The following GRIA1 variants were observed in gnomAD, a reference collection of about 807,000 sequenced individuals.
GRIA1 encodes glutamate ionotropic receptor AMPA type subunit 1.
In GRIA1, 31 loss-of-function variants were observed where a neutral mutation model predicts 99.2. The ratio of observed to expected loss-of-function variants is 0.31; its 90% confidence interval spans 0.23 to 0.42. The LOEUF (loss-of-function observed/expected upper bound fraction) is 0.42, where lower values mean the gene tolerates loss of function less well. GRIA1 is among the 10% of genes least tolerant of loss of function. The probability of loss-of-function intolerance (pLI) is 1.00; values close to 1 mark genes in which losing one functional copy is unlikely to be tolerated. For synonymous variants in GRIA1, 438 were observed against 432.4 expected, an observed-to-expected ratio of 1.01 and a Z score of -0.16; for missense variants, 782 against 1,157.5, an observed-to-expected ratio of 0.68 and a Z score of 4.71.
intron 2 of GRIA1, among the ~76,000 whole-genome samples, chr5:153,577,431 T>C (rs1209251145): frequency 6.6e-6 from 1 of 152,190 alleles, no homozygotes; most frequent in Non-Finnish European, 1.5e-5. Flanking sequence ...TCAATTTCCA[T>C]GAAGCAAGGC....
chr5:153,711,718 T>A (rs1759326682), intron 11 of GRIA1, among the ~76,000 whole-genome samples: 1 of 152,124 alleles, frequency 6.6e-6, no homozygotes, highest in South Asian at 2.1e-4. Context: ...GAACTGAGAG[T>A]GAGCTTCTTC....
intron 11 of GRIA1, among the ~76,000 whole-genome samples, chr5:153,724,078 T>G (rs1035237013): frequency 5.9e-5 from 9 of 152,200 alleles, no homozygotes; most frequent in African/African-American, 2.2e-4. Context: ...CAGCAGCATT[T>G]GCGGTTCACG....
chr5:153,811,283 AC>A lies in GRIA1; in HGVS notation c.*61del, dbSNP rs1173271251. ...CTCGGGCTCCCCAGCCCCATCCCAA[AC>A]CCTTCAGTGCCAAAAACAACAACAA... is the stretch of plus-strand genomic sequence containing the variant. On this transcript the variant is annotated 3_prime_UTR_variant, in exon 16 of 16. Transcript: ENST00000285900. 6.4e-5 allele frequency: 81 copies of A among 1,274,624 alleles called. No individual in the cohort carries two copies. Among genetic ancestry groups the A allele is most frequent in the Non-Finnish European group, 8.9e-5 (78 of 878,352 alleles). The allele number at this position is 1,274,624 out of a possible 1,614,324, so 79.0% of individuals were successfully genotyped here.
Position 153,730,069 on chromosome 5 carries a change from A to C in GRIA1, c.1823+24002A>C, listed in dbSNP as rs563894559. ...AGCATCATAGCAGCCTTTATATACT[A>C]TTACAGTTGCTTGTTCAACACCTGT... On this transcript the variant is annotated intron_variant, in intron 11 of 15. Transcript: ENST00000285900. 2.0e-5 allele frequency among the ~76,000 whole-genome samples: 3 copies of C among 152,206 alleles called. No individual in the cohort carries two copies. The South Asian group carries it at 6.2e-4, about 32-fold the overall frequency.
At chr5:153,674,207 C>T (rs1756402954) in intron 5 of GRIA1, among the ~76,000 whole-genome samples, 1 of 152,316 alleles carries the variant, frequency 6.6e-6, no homozygotes, top group Non-Finnish European at 1.5e-5. Flanking sequence ...ACAACCAGAC[C>T]TCCATTATTC....
chr5:153,707,540 T>C (rs1758992782), intron 11 of GRIA1, among the ~76,000 whole-genome samples: 1 of 152,192 alleles, frequency 6.6e-6, no homozygotes, highest in African/African-American at 2.4e-5. Flanking sequence ...TTACCAAATT[T>C]CAAAAGCCTA....
chr5:153,666,109 C>T (rs1029762152), intron 5 of GRIA1, among the ~76,000 whole-genome samples: 14 of 152,156 alleles, frequency 9.2e-5, no homozygotes, highest in Admixed American at 9.2e-4. Flanking sequence ...ATAAGAAGAC[C>T]TCTTTGATCC....
intron 11 of GRIA1, among the ~76,000 whole-genome samples, chr5:153,737,313 A>AG (rs1761450646): frequency 6.6e-6 from 1 of 151,528 alleles, no homozygotes; most frequent in Non-Finnish European, 1.5e-5. Context: ...AAAAAAAAAA[A>AG]AAGGGATACT....
chr5:153,672,610 TA>T (rs556751344), intron 5 of GRIA1, among the ~76,000 whole-genome samples: 10 of 149,684 alleles, frequency 6.7e-5, no homozygotes, highest in African/African-American at 1.2e-4. Flanking sequence ...TTTAGAGGCA[TA>T]GGGGTGGGGG....
At chr5:153,761,816 A>G (rs868136140) in intron 11 of GRIA1, among the ~76,000 whole-genome samples, 1 of 152,370 alleles carries the variant, frequency 6.6e-6, no homozygotes. Flanking sequence ...GTATGTACTC[A>G]ATGAAATAGT....
At chr5:153,547,281 C>T (rs1759696736) in intron 2 of GRIA1, among the ~76,000 whole-genome samples, 1 of 152,128 alleles carries the variant, frequency 6.6e-6, no homozygotes, top group Non-Finnish European at 1.5e-5. Flanking sequence ...AAAGATTGGA[C>T]ACCCCTGATC....
chr5:153,641,156 A>G (rs757074537), intron 2 of GRIA1, among the ~76,000 whole-genome samples: 1 of 152,052 alleles, frequency 6.6e-6, no homozygotes, highest in Non-Finnish European at 1.5e-5. Context: ...ATTCACACAT[A>G]CTTTTGATCT....
At chr5:153,721,445 C>T (rs948779360) in intron 11 of GRIA1, among the ~76,000 whole-genome samples, 2 of 152,070 alleles carry the variant, frequency 1.3e-5, no homozygotes, top group African/African-American at 2.4e-5. Context: ...ATTTTCAGTG[C>T]CTGTGTAATC....
chr5:153,522,308 T>G (rs1757221880), intron 2 of GRIA1, among the ~76,000 whole-genome samples: 1 of 152,206 alleles, frequency 6.6e-6, no homozygotes, highest in African/African-American at 2.4e-5. Flanking sequence ...GCATGTAAAG[T>G]TGTTATTATT....
chr5:153,538,636 T>A (rs776496095), intron 2 of GRIA1, among the ~76,000 whole-genome samples: 9 of 152,006 alleles, frequency 5.9e-5, no homozygotes, highest in Non-Finnish European at 1.3e-4. Flanking sequence ...ATCTTGGAGG[T>A]TTAGAATTTG....
At chr5:153,731,023 C>T (rs1170394027) in intron 11 of GRIA1, among the ~76,000 whole-genome samples, 1 of 152,054 alleles carries the variant, frequency 6.6e-6, no homozygotes, top group Non-Finnish European at 1.5e-5. Flanking sequence ...AGAATCCTCC[C>T]TGCTTCTAGG....
chr5:153,595,423 A>G (rs1456201815), intron 2 of GRIA1, among the ~76,000 whole-genome samples: 1 of 152,118 alleles, frequency 6.6e-6, no homozygotes, highest in Non-Finnish European at 1.5e-5. Flanking sequence ...ACTAACACTA[A>G]ATACTTGTTT....
At chr5:153,772,704 C>T (rs1322758451) in intron 13 of GRIA1, among the ~76,000 whole-genome samples, 1 of 152,082 alleles carries the variant, frequency 6.6e-6, no homozygotes, top group African/African-American at 2.4e-5. Context: ...GAGCAAAGTT[C>T]AAAGGGGATT....
chr5:153,661,399 C>G (rs999372770), intron 5 of GRIA1, among the ~76,000 whole-genome samples: 8 of 152,136 alleles, frequency 5.3e-5, no homozygotes, highest in Admixed American at 2.6e-4. Flanking sequence ...TATGTACATT[C>G]TTATAGGGTT....
Sources: gnomAD v4.1 joint callset for allele counts (sites outside exome capture counted in the v4.1 genomes callset) on GRCh38, gnomAD v4.1.1 for gene constraint, MANE v1.5 for transcripts, NCBI Gene and HGNC (gene_info 2026-07-23, HGNC 2026-07-21) for gene names.